The following DNAH14 variants were observed in gnomAD, a reference collection of about 807,000 sequenced individuals.
DNAH14 encodes the protein dynein axonemal heavy chain 14, also known as axonemal beta dynein heavy chain 14.
A neutral mutation model predicts 520.9 loss-of-function variants in DNAH14; 478 were observed. That is an observed-to-expected ratio of 0.92 (90% CI 0.85 to 0.99). DNAH14 has a LOEUF of 0.99. DNAH14 is among the 50% of genes least tolerant of loss of function. DNAH14 has a pLI of 0.00. For synonymous variants in DNAH14, 1,581 were observed against 1,757.2 expected (o/e 0.90, Z 2.51); for missense variants, 4,831 against 5,234.5 (o/e 0.92, Z 2.38).
chr1:225,311,728 CCA>C (rs2094369442), intron 60 of DNAH14, among the ~76,000 whole-genome samples: 2 of 152,092 alleles, frequency 1.3e-5, no homozygotes, highest in Non-Finnish European at 2.9e-5. Flanking sequence ...CTGGTTGTGT[CCA>C]GTTTGTCAAA....
At chr1:225,137,811 T>C (rs1573422719) in intron 27 of DNAH14, among the ~76,000 whole-genome samples, 1 of 152,204 alleles carries the variant, frequency 6.6e-6, no homozygotes, top group East Asian at 1.9e-4. Flanking sequence ...CGTGTTTCAC[T>C]AGGGGGTGAC....
chr1:225,214,331 TG>T (rs1282546192), intron 41 of DNAH14, among the ~76,000 whole-genome samples: 2 of 152,198 alleles, frequency 1.3e-5, no homozygotes, highest in East Asian at 3.8e-4. Context: ...TGAGGATTTT[TG>T]CATCGATGTT....
chr1:225,011,843 T>C (rs1385217371), intron 10 of DNAH14, among the ~76,000 whole-genome samples: 1 of 150,114 alleles, frequency 6.7e-6, no homozygotes, highest in Non-Finnish European at 1.5e-5. Context: ...CCTATGTGTG[T>C]CTTTGCACGT....
chr1:225,039,579 G>T, intron 12 of DNAH14, among the ~76,000 whole-genome samples: 1 of 145,960 alleles, frequency 6.9e-6, no homozygotes, highest in South Asian at 2.2e-4. Context: ...ATTCTCTTTA[G>T]TATGAAAAAA....
chr1:225,015,145 A>T (rs540525629), intron 10 of DNAH14, among the ~76,000 whole-genome samples: 1 of 152,070 alleles, frequency 6.6e-6, no homozygotes, highest in South Asian at 2.1e-4. Context: ...GTTTACGTGG[A>T]GTATCTTTTT....
At chr1:225,331,016 G>A (rs1008327508) in intron 64 of DNAH14, among the ~76,000 whole-genome samples, 2 of 152,046 alleles carry the variant, frequency 1.3e-5, no homozygotes, top group African/African-American at 4.8e-5. Context: ...CTGTAAGGAA[G>A]GTTTAACAGT....
intron 8 of DNAH14, among the ~76,000 whole-genome samples, chr1:224,977,988 G>A (rs2061986330): frequency 6.6e-6 from 1 of 152,108 alleles, no homozygotes; most frequent in Admixed American, 6.6e-5. Flanking sequence ...CAGATAGAAT[G>A]GCTGTAATCA....
At chr1:224,979,145 T>TA (rs749932032) in intron 8 of DNAH14, among the ~76,000 whole-genome samples, 2 of 152,190 alleles carry the variant, frequency 1.3e-5, no homozygotes, top group Non-Finnish European at 2.9e-5. Flanking sequence ...TGTTCCTTCA[T>TA]AAAAAAAGCA....
chr1:224,955,479 T>C (rs1185921845), intron 3 of DNAH14, among the ~76,000 whole-genome samples: 1 of 152,178 alleles, frequency 6.6e-6, no homozygotes, highest in Non-Finnish European at 1.5e-5. Flanking sequence ...TTTATTGGTC[T>C]TACCTACTAG....
At chr1:225,238,571 G>A (rs2091761576) in intron 42 of DNAH14, among the ~76,000 whole-genome samples, 1 of 152,162 alleles carries the variant, frequency 6.6e-6, no homozygotes, top group Non-Finnish European at 1.5e-5. Context: ...CGCCTGTTGG[G>A]AGGTCTCACC....
intron 17 of DNAH14, among the ~76,000 whole-genome samples, chr1:225,062,436 C>T (rs1266227769): frequency 3.3e-5 from 5 of 151,988 alleles, no homozygotes; most frequent in Non-Finnish European, 5.9e-5. Flanking sequence ...GGATTTCTGC[C>T]TGGGGATAGT....
At chr1:225,347,303 A>G (rs2095300328) in intron 71 of DNAH14, among the ~76,000 whole-genome samples, 1 of 152,196 alleles carries the variant, frequency 6.6e-6, no homozygotes, top group African/African-American at 2.4e-5. Context: ...TCTAGAGATC[A>G]GTTGAGAAGC....
chr1:225,335,722 T>C (rs1436997817), intron 66 of DNAH14, among the ~76,000 whole-genome samples: 1 of 99,468 alleles, frequency 1.0e-5, no homozygotes, highest in Non-Finnish European at 2.0e-5. Flanking sequence ...TATACGCATA[T>C]ATACATATGT....
At chr1:225,264,332 T>G in intron 47 of DNAH14, 71 bp downstream of exon 47, 1 of 1,186,588 alleles carries the variant, frequency 8.4e-7, no homozygotes, top group Non-Finnish European at 1.2e-6. Context: ...ATATTATTTC[T>G]TACATTCATG....
chr1:225,269,329 C>A (rs1333840762), intron 49 of DNAH14, among the ~76,000 whole-genome samples: 1 of 152,160 alleles, frequency 6.6e-6, no homozygotes, highest in Non-Finnish European at 1.5e-5. Context: ...AAAATTAATT[C>A]AAGATGGATT....
intron 60 of DNAH14, among the ~76,000 whole-genome samples, chr1:225,313,490 A>C (rs1032729765): frequency 6.6e-6 from 1 of 151,854 alleles, no homozygotes; most frequent in Non-Finnish European, 1.5e-5. Context: ...TAGCTTTTGA[A>C]TTTGTTTGCT....
At chr1:225,267,292 CTTTTTTTTTTT>C (rs776025994) in intron 49 of DNAH14, among the ~76,000 whole-genome samples, 10 of 131,398 alleles carry the variant, frequency 7.6e-5, no homozygotes, top group South Asian at 2.5e-4. Flanking sequence ...GAATGGCTTC[CTTTTTTTTTTT>C]TTTTTTTTTG....
At chr1:225,146,313 G>A (rs16844357) in intron 30 of DNAH14, among the ~76,000 whole-genome samples, 12,327 of 152,034 alleles carry the variant, frequency 0.081, 1,609 homozygotes, top group African/African-American at 0.28. Context: ...CATCCTTCTC[G>A]GTCTGAGGCT....
At chr1:225,208,140 T>G (rs1462252298) in intron 41 of DNAH14, among the ~76,000 whole-genome samples, 1 of 152,136 alleles carries the variant, frequency 6.6e-6, no homozygotes, top group Non-Finnish European at 1.5e-5. Context: ...GGATACAGAT[T>G]GTTAACACAC....
Sources: allele counts gnomAD v4.1 joint callset (sites outside exome capture counted in the v4.1 genomes callset), GRCh38; gene constraint gnomAD v4.1.1; transcripts MANE v1.5; gene names NCBI Gene and HGNC (gene_info 2026-07-23, HGNC 2026-07-21).